KCTD16: variants seen among roughly 807,000 people sequenced by gnomAD.
KCTD16 encodes the protein potassium channel tetramerization domain containing 16.
Under a neutral mutation model 33.2 loss-of-function variants are expected in KCTD16, and 13 were observed. That is an observed-to-expected ratio of 0.39 (90% CI 0.25 to 0.62). The LOEUF (loss-of-function observed/expected upper bound fraction) is 0.62. Ranked by LOEUF, KCTD16 falls within the 20% of genes least tolerant of loss-of-function variation. The probability of loss-of-function intolerance (pLI) is 0.50; values close to 1 mark genes in which losing one functional copy is unlikely to be tolerated. For missense variants in KCTD16, 441 were observed against 525.1 expected (o/e 0.84, Z 1.57); for synonymous variants, 197 against 195.3 (o/e 1.01, Z -0.07).
chr5:144,174,074 A>G (rs997068223), intron 1 of KCTD16, among the ~76,000 whole-genome samples: 1 of 152,162 alleles, frequency 6.6e-6, no homozygotes, highest in African/African-American at 2.4e-5. Flanking sequence ...AACATGAGCT[A>G]GACTTGTAAT....
chr5:144,366,542 G>A (rs779163848), intron 3 of KCTD16, among the ~76,000 whole-genome samples: 2 of 152,106 alleles, frequency 1.3e-5, no homozygotes, highest in Non-Finnish European at 2.9e-5. Flanking sequence ...TAATGACCCA[G>A]CTCAGCCATT....
intron 3 of KCTD16, among the ~76,000 whole-genome samples, chr5:144,379,541 T>C (rs1011105033): frequency 6.6e-6 from 1 of 152,176 alleles, no homozygotes; most frequent in Non-Finnish European, 1.5e-5. Context: ...AGGAGTTCAT[T>C]TGGGAGCTTG....
At chr5:144,229,837 G>T (rs1754044849) in intron 3 of KCTD16, among the ~76,000 whole-genome samples, 1 of 152,076 alleles carries the variant, frequency 6.6e-6, no homozygotes, top group Non-Finnish European at 1.5e-5. Flanking sequence ...GACTTATTAA[G>T]CACCTATTAA....
At chr5:144,172,520 A>G (rs532988369) in intron 1 of KCTD16, among the ~76,000 whole-genome samples, 1 of 152,302 alleles carries the variant, frequency 6.6e-6, no homozygotes, top group African/African-American at 2.4e-5. Flanking sequence ...GTGCTTTCTA[A>G]CTATATTTTT....
At chr5:144,251,229 A>G (rs1231750459) in intron 3 of KCTD16, among the ~76,000 whole-genome samples, 1 of 152,166 alleles carries the variant, frequency 6.6e-6, no homozygotes, top group African/African-American at 2.4e-5. Context: ...TGCATGTAAC[A>G]GATACAGAAA....
chr5:144,417,838 T>C (rs376257429), intron 3 of KCTD16, among the ~76,000 whole-genome samples: 2 of 152,150 alleles, frequency 1.3e-5, no homozygotes, highest in African/African-American at 4.8e-5. Context: ...TTTGGTATTA[T>C]TTGTTGAAGA....
In KCTD16 at chr5:144,473,967, C is replaced by G; in HGVS notation, c.1140C>G (p.Ser380Arg). The change falls in exon 4 of 4, where the codon AGC becomes AGG. Residue 380 changes from serine to arginine, a missense_variant. Physicochemically the swap from Ser to Arg is moderately radical, Grantham distance 110. Coordinates refer to ENST00000512467, the MANE Select transcript of KCTD16 (RefSeq NM_020768.4). ...GCTCCAGGGAATCGAACATGAGCAG[C>G]AAAAAAAAAGCTGTTAAAGAAAAGC... ...TSGSRESNMS[S>R]KKKAVKEKLS... The G allele has an allele frequency of 4.4e-6, 7 of 1,601,848 alleles. No individual in the cohort carries two copies. The highest frequency in any genetic ancestry group is 5.1e-6 in the Non-Finnish European group (6 of 1,172,652).
intron 3 of KCTD16, among the ~76,000 whole-genome samples, chr5:144,361,938 G>C (rs1561580526): frequency 6.6e-6 from 1 of 151,724 alleles, no homozygotes; most frequent in Non-Finnish European, 1.5e-5. Flanking sequence ...GTGTGTGTGT[G>C]TGTGTGTGTG....
At chr5:144,443,477 A>G (rs186867951) in intron 3 of KCTD16, among the ~76,000 whole-genome samples, 26 of 151,338 alleles carry the variant, frequency 1.7e-4, no homozygotes, top group African/African-American at 6.3e-4. Context: ...TGTCTACTAT[A>G]TTTTTCATTT....
At chr5:144,355,430 A>G (rs896744018) in intron 3 of KCTD16, among the ~76,000 whole-genome samples, 2 of 152,140 alleles carry the variant, frequency 1.3e-5, no homozygotes, top group Non-Finnish European at 2.9e-5. Flanking sequence ...CTAAATTTTG[A>G]TGTTAGGAAA....
At chr5:144,357,936 T>A (rs138506746) in intron 3 of KCTD16, among the ~76,000 whole-genome samples, 172 of 152,070 alleles carry the variant, frequency 1.1e-3, no homozygotes, top group African/African-American at 3.7e-3. Flanking sequence ...TTTATTTATG[T>A]TTTTAGAGAT....
intron 3 of KCTD16, among the ~76,000 whole-genome samples, chr5:144,375,228 C>T (rs1561584990): frequency 6.6e-6 from 1 of 152,178 alleles, no homozygotes; most frequent in Non-Finnish European, 1.5e-5. Flanking sequence ...TACTAGCAAA[C>T]TGGTTGGAAT....
chr5:144,224,378 A>G (rs1465355319), intron 3 of KCTD16, among the ~76,000 whole-genome samples: 6 of 121,626 alleles, frequency 4.9e-5, no homozygotes, highest in Non-Finnish European at 8.2e-5. Flanking sequence ...GGATCAATAT[A>G]ATGTGTTTTT....
At chr5:144,374,030 C>A (rs930366929) in intron 3 of KCTD16, among the ~76,000 whole-genome samples, 4 of 152,162 alleles carry the variant, frequency 2.6e-5, no homozygotes, top group African/African-American at 9.7e-5. Flanking sequence ...CCTCTATGTA[C>A]AGACCATTAT....
chr5:144,258,013 C>T (rs1230023938), intron 3 of KCTD16, among the ~76,000 whole-genome samples: 3 of 152,126 alleles, frequency 2.0e-5, no homozygotes, highest in Non-Finnish European at 2.9e-5. Flanking sequence ...GAGCTATACC[C>T]CAGTCTTTCA....
rs963138337 is a variant in KCTD16 at position 144,207,125 on chromosome 5, T to C, written c.411T>C (p.Ser137=). ...IKQSPDEFCH[S]DFEDASQGSD... is the part of the protein sequence containing the mutation. ...AAAGCCCAGATGAATTCTGCCACAG[T>C]GACTTTGAAGATGCCTCCCAAGGAA... The change falls in exon 3 of 4, where the codon AGT becomes AGC. Residue 137 remains serine (S), a synonymous_variant. Coordinates refer to ENST00000512467, the MANE Select transcript of KCTD16 (RefSeq NM_020768.4). 1 of 1,610,742 alleles carries C rather than the reference T, an allele frequency of 6.2e-7. No individual in the cohort carries two copies. The highest frequency in any genetic ancestry group is 1.3e-5 in the African/African-American group (1 of 74,804).
In KCTD16 at chr5:144,475,970, A is replaced by G. The variant is rs981756063; in HGVS notation, c.*1856A>G. The stretch of plus-strand genomic sequence containing the variant: ...AAAAGAAAGTTTATCTTGGGAGTTG[A>G]GTTGTCAAGAGAATTATAATTTATG... On this transcript the variant is annotated 3_prime_UTR_variant, in exon 4 of 4. Coordinates refer to ENST00000512467, the MANE Select transcript of KCTD16 (RefSeq NM_020768.4). 1 of 152,214 alleles carries G rather than the reference A, an allele frequency of 6.6e-6. No individual in the cohort carries two copies. The highest frequency in any genetic ancestry group is 2.4e-5 in the African/African-American group (1 of 41,456). 9.4% of individuals were successfully genotyped at this position (152,214 alleles called of 1,614,324 possible). A position where few individuals can be genotyped will look rare whatever the true frequency, so the allele number is the denominator to read the frequency against.
intron 3 of KCTD16, among the ~76,000 whole-genome samples, chr5:144,402,868 A>G (rs999653128): frequency 1.3e-5 from 2 of 152,230 alleles, no homozygotes; most frequent in African/African-American, 2.4e-5. Context: ...ACAGTCCACA[A>G]ATTTATTCTG....
chr5:144,278,329 G>C (rs918714230), intron 3 of KCTD16, among the ~76,000 whole-genome samples: 9 of 151,728 alleles, frequency 5.9e-5, no homozygotes, highest in Non-Finnish European at 1.3e-4. Flanking sequence ...TCTATTTCTA[G>C]AATCTTTAGT....
Sources: gnomAD v4.1 joint callset for allele counts (sites outside exome capture counted in the v4.1 genomes callset) on GRCh38, gnomAD v4.1.1 for gene constraint, MANE v1.5 for transcripts, NCBI Gene and HGNC (gene_info 2026-07-23, HGNC 2026-07-21) for gene names.